AGAP1: variants seen among roughly 807,000 people sequenced by gnomAD.
AGAP1 encodes ArfGAP with GTPase domain, ankyrin repeat and PH domain 1, also known as arf-GAP with GTPase, ANK repeat and PH domain-containing protein 1.
AGAP1 carries 29 observed loss-of-function variants against 105.3 expected under a neutral mutation model. That is an observed-to-expected ratio of 0.28 (90% CI 0.21 to 0.38). The LOEUF is 0.38. Among genes scored for constraint, AGAP1 ranks in the 10% least tolerant of loss-of-function variants. AGAP1 has a pLI of 1.00. For missense variants in AGAP1, 998 were observed against 1,165.1 expected, an observed-to-expected ratio of 0.86 and a Z score of 2.09; for synonymous variants, 509 against 485.9, an observed-to-expected ratio of 1.05 and a Z score of -0.63.
At chr2:235,995,710 T>C (rs1197473881) in intron 13 of AGAP1, among the ~76,000 whole-genome samples, 3 of 152,176 alleles carry the variant, frequency 2.0e-5, no homozygotes, top group Non-Finnish European at 4.4e-5. Flanking sequence ...AAGCCACTGA[T>C]GCTTTGGTCC....
intron 1 of AGAP1, among the ~76,000 whole-genome samples, chr2:235,530,497 G>T (rs996158532): frequency 1.3e-5 from 2 of 152,130 alleles, no homozygotes; most frequent in Admixed American, 1.3e-4. Flanking sequence ...TGGCAGGGCC[G>T]CGTTCCTTCT....
chr2:235,562,113 A>G (rs1007730851), intron 1 of AGAP1, among the ~76,000 whole-genome samples: 15 of 152,178 alleles, frequency 9.9e-5, no homozygotes, highest in Admixed American at 2.6e-4. Flanking sequence ...ATGTCAAGCA[A>G]TCTTCTAAAG....
At position 235,692,862 on chromosome 2, in the gene AGAP1, G is replaced by GAT. The variant is rs1949802644; in HGVS notation, c.164-16317_164-16316insAT. 6.6e-6 allele frequency among the ~76,000 whole-genome samples: 1 copy of GAT among 152,128 alleles called. No homozygotes were observed. Among genetic ancestry groups the GAT allele is most frequent in the Non-Finnish European group, 1.5e-5 (1 of 68,016 alleles). On this transcript the variant is annotated intron_variant, in intron 1 of 17. Coordinates refer to ENST00000304032, the MANE Select transcript of AGAP1 (RefSeq NM_001037131.3). This position sits in a 1 kb window ranked among gnomAD's most constrained non-coding sequence, Gnocchi z 5.8. ...TTGGTGTGCGTATCTCCCTTGATGT[G>GAT]GCACTGCCTGGCTCCGGAGATAGCG...
intron 1 of AGAP1, among the ~76,000 whole-genome samples, chr2:235,597,033 T>C (rs1945548000): frequency 6.6e-6 from 1 of 152,192 alleles, no homozygotes; most frequent in Non-Finnish European, 1.5e-5. Context: ...ACGTGTGTTG[T>C]TGAAGTGCCT....
Position 235,639,538 on chromosome 2 carries a change from T to G in AGAP1, c.164-69641T>G, listed in dbSNP as rs1014435648. Among the ~76,000 whole-genome samples the G allele has an allele frequency of 6.6e-6, 1 of 152,142 alleles. No individual in the cohort carries two copies. Among genetic ancestry groups the G allele is most frequent in the East Asian group, 1.9e-4 (1 of 5,164 alleles). The stretch of plus-strand genomic sequence containing the variant: ...CTCATGAACAGATGTGGAAACATCG[T>G]GGGATGATCTCATGGTGGGTGGGAC... On this transcript the variant is annotated intron_variant, in intron 1 of 17. Coordinates refer to ENST00000304032, the MANE Select transcript of AGAP1 (RefSeq NM_001037131.3). The surrounding 1 kb of genome is among the most constrained non-coding windows in gnomAD (Gnocchi z 5.3).
At chr2:235,828,925 C>T (rs999826423) in intron 9 of AGAP1, among the ~76,000 whole-genome samples, 8 of 152,210 alleles carry the variant, frequency 5.3e-5, no homozygotes, top group Non-Finnish European at 8.8e-5. Context: ...AGCTCTCAGA[C>T]GCAGCCTGTC....
rs1403285430 is a variant in AGAP1 at position 235,692,338 on chromosome 2, C to T, written c.164-16841C>T. On this transcript the variant is annotated intron_variant, in intron 1 of 17. Transcript: ENST00000304032. The surrounding 1 kb of genome is among the most constrained non-coding windows in gnomAD (Gnocchi z 5.8). ...GTGCCAGTGGGGACCTTGCCTTCTCCAGCACTGGGCCGTCCACTTTGCTCC... is the reference window on the plus strand; with the variant it reads ...GTGCCAGTGGGGACCTTGCCTTCTCTAGCACTGGGCCGTCCACTTTGCTCC... 5.3e-5 allele frequency among the ~76,000 whole-genome samples: 8 copies of T among 152,102 alleles called. No individual in the cohort carries two copies. The highest frequency in any genetic ancestry group is 2.1e-4 in the South Asian group (1 of 4,820).
At chr2:235,542,217 C>CGGG (rs142742528) in intron 1 of AGAP1, among the ~76,000 whole-genome samples, 25 of 149,160 alleles carry the variant, frequency 1.7e-4, no homozygotes, top group African/African-American at 5.2e-4. Flanking sequence ...CAGTGGGTCC[C>CGGG]GGGGGGGGGC....
chr2:235,828,035 G>A (rs960095026), intron 9 of AGAP1, among the ~76,000 whole-genome samples: 31 of 152,216 alleles, frequency 2.0e-4, no homozygotes, highest in African/African-American at 7.2e-4. Context: ...CATTTTGACA[G>A]ACTTACAACA....
chr2:236,038,921 A>G lies in AGAP1; in HGVS notation c.1801-1830A>G, dbSNP rs970435633. 2.0e-5 allele frequency among the ~76,000 whole-genome samples: 3 copies of G among 152,110 alleles called. No individual in the cohort carries two copies. The highest frequency in any genetic ancestry group is 7.2e-5 in the African/African-American group (3 of 41,396). ...TTTTGAATACTTGGGTATCTAACCA[A>G]AGGGAATTAAAATTCAATAACGCAT... is the stretch of plus-strand genomic sequence containing the variant. On this transcript the variant is annotated intron_variant, in intron 14 of 17. Coordinates refer to ENST00000304032, the MANE Select transcript of AGAP1 (RefSeq NM_001037131.3). This position sits in a 1 kb window ranked among gnomAD's most constrained non-coding sequence, Gnocchi z 4.5.
rs1425573355 is a variant in AGAP1 at position 235,982,374 on chromosome 2, A to C, written c.1645+13751A>C. On this transcript the variant is annotated intron_variant, in intron 13 of 17. Transcript: ENST00000304032. The surrounding 1 kb of genome is among the most constrained non-coding windows in gnomAD (Gnocchi z 4.9). ...ATAACTATTTTCATGATTTTCCCCC[A>C]AAATATTACTTTATTCTGCACACCG... Among the ~76,000 whole-genome samples the C allele has an allele frequency of 6.6e-6, 1 of 152,210 alleles. No individual in the cohort carries two copies. Among genetic ancestry groups the C allele is most frequent in the East Asian group, 1.9e-4 (1 of 5,194 alleles).
At chr2:236,006,252 C>T (rs952183378) in intron 13 of AGAP1, among the ~76,000 whole-genome samples, 1 of 152,158 alleles carries the variant, frequency 6.6e-6, no homozygotes, top group Non-Finnish European at 1.5e-5. Flanking sequence ...TGAGCACTTT[C>T]CTTCCTTTCT....
rs889958466 is a variant in AGAP1 at position 235,777,026 on chromosome 2, G to A, written c.674-20733G>A. The A allele has an allele frequency of 1.3e-5, 6 of 471,196 alleles. No individual in the cohort carries two copies. Among genetic ancestry groups the A allele is most frequent in the Non-Finnish European group, 2.6e-5 (6 of 227,060 alleles). The allele number at this position is 471,196 out of a possible 1,614,324, so 29.2% of individuals were successfully genotyped here. On this transcript the variant is annotated intron_variant, in intron 6 of 17. Transcript: ENST00000304032. This position sits in a 1 kb window ranked among gnomAD's most constrained non-coding sequence, Gnocchi z 5.1. ...TTATCATGTGAGCGTCTGCTCTTGA[G>A]AGGCCAGGCTGGATCCTGCAGAGAA...
At position 235,944,926 on chromosome 2, in the gene AGAP1, C is replaced by G. The variant is rs188069801; in HGVS notation, c.1483+14003C>G. 2.0e-5 allele frequency among the ~76,000 whole-genome samples: 3 copies of G among 152,298 alleles called. No individual in the cohort carries two copies. The South Asian group carries it at 6.2e-4, about 32-fold the overall frequency. ...GGTTATTACCTGGACCAGCACCCGGCTTTTACATAGGACCTTCTCCTGGGG... is the reference window on the plus strand; with the variant it reads ...GGTTATTACCTGGACCAGCACCCGGGTTTTACATAGGACCTTCTCCTGGGG... On this transcript the variant is annotated intron_variant, in intron 12 of 17. Coordinates refer to ENST00000304032, the MANE Select transcript of AGAP1 (RefSeq NM_001037131.3).
chr2:235,884,754 T>G (rs188050407), intron 10 of AGAP1, among the ~76,000 whole-genome samples: 50 of 152,262 alleles, frequency 3.3e-4, no homozygotes, highest in South Asian at 2.1e-3. Flanking sequence ...GCGCCTGGCC[T>G]TCTTTTGAAT....
At position 235,750,634 on chromosome 2, in the gene AGAP1, A is replaced by C; in HGVS notation, c.673+146A>C. The C allele has an allele frequency of 8.3e-7, 1 of 1,199,534 alleles. No homozygotes were observed. The highest frequency in any genetic ancestry group is 2.4e-5 in the East Asian group (1 of 41,696). 74.3% of individuals were successfully genotyped at this position (1,199,534 alleles called of 1,614,324 possible). A position where few individuals can be genotyped will look rare whatever the true frequency, so the allele number is the denominator to read the frequency against. ...ATTAGTATCGAGAGCAGTCCATTCC[A>C]GAGGCAATTCTCAGGTATGTTTCAT... On this transcript the variant is annotated intron_variant, in intron 6 of 17. Transcript: ENST00000304032. This position sits in a 1 kb window ranked among gnomAD's most constrained non-coding sequence, Gnocchi z 5.3.
chr2:235,913,478 C>T (rs1410374475), intron 11 of AGAP1, among the ~76,000 whole-genome samples: 1 of 151,880 alleles, frequency 6.6e-6, no homozygotes, highest in Non-Finnish European at 1.5e-5. Context: ...CCATATGTTG[C>T]CTTTGTTGTA....
At position 235,750,502 on chromosome 2, in the gene AGAP1, G is replaced by C; in HGVS notation, c.673+14G>C. On this transcript the variant is annotated intron_variant, in intron 6 of 17. Transcript: ENST00000304032. This position sits in a 1 kb window ranked among gnomAD's most constrained non-coding sequence, Gnocchi z 5.3. ...TCTTCCAGGACGGTAAATGCGCGTG[G>C]CTGGGAGTTTAATTTCAGTTCATGA... 6.2e-7 allele frequency: 1 copy of C among 1,614,044 alleles called. No individual in the cohort carries two copies. Among genetic ancestry groups the C allele is most frequent in the Non-Finnish European group, 8.5e-7 (1 of 1,179,916 alleles).
intron 1 of AGAP1, among the ~76,000 whole-genome samples, chr2:235,679,938 C>A (rs1487156813): frequency 6.6e-6 from 1 of 152,202 alleles, no homozygotes; most frequent in Non-Finnish European, 1.5e-5. Context: ...TAATATGATG[C>A]GAATGGTGTT....
Sources: allele counts gnomAD v4.1 joint callset (sites outside exome capture counted in the v4.1 genomes callset), GRCh38; gene constraint gnomAD v4.1.1; non-coding constraint Gnocchi (gnomAD v3.1); transcripts MANE v1.5; gene names NCBI Gene and HGNC (gene_info 2026-07-23, HGNC 2026-07-21).